ALCAM: variants seen among roughly 807,000 people sequenced by gnomAD.
ALCAM encodes the protein activated leukocyte cell adhesion molecule.
Under a neutral mutation model 70.9 loss-of-function variants are expected in ALCAM, and 30 were observed. The observed-to-expected ratio is 0.42, with a 90% CI of 0.32 to 0.57. The LOEUF (loss-of-function observed/expected upper bound fraction) is 0.57, where lower values mean the gene tolerates loss of function less well. Among genes scored for constraint, ALCAM ranks in the 20% least tolerant of loss-of-function variants. ALCAM has a pLI of 0.11. For synonymous variants in ALCAM, 249 were observed against 242.5 expected, an observed-to-expected ratio of 1.03 and a Z score of -0.25; for missense variants, 591 against 695.1, an observed-to-expected ratio of 0.85 and a Z score of 1.68.
At chr3:105,518,900 G>A (rs1296582695) in intron 1 of ALCAM, among the ~76,000 whole-genome samples, 1 of 151,940 alleles carries the variant, frequency 6.6e-6, no homozygotes, top group African/African-American at 2.4e-5. Context: ...TGAAATTTTG[G>A]TATACATGGT....
At chr3:105,428,232 A>C (rs1936839750) in intron 1 of ALCAM, among the ~76,000 whole-genome samples, 2 of 151,894 alleles carry the variant, frequency 1.3e-5, no homozygotes, top group South Asian at 4.1e-4. Flanking sequence ...TCCAGGGTTA[A>C]AATATCCTTC....
At chr3:105,539,940 C>T in intron 6 of ALCAM, 35 bp from the exon 7 acceptor site, 1 of 1,607,124 alleles carries the variant, frequency 6.2e-7, no homozygotes, top group Non-Finnish European at 8.5e-7. Flanking sequence ...CGGTACTTGA[C>T]AAAAATGGTT....
At chr3:105,568,370 T>C (rs1041343697) in intron 14 of ALCAM, among the ~76,000 whole-genome samples, 2 of 152,124 alleles carry the variant, frequency 1.3e-5, no homozygotes, top group Non-Finnish European at 2.9e-5. Context: ...GGATTACAGG[T>C]GTGAGCCACT....
intron 1 of ALCAM, among the ~76,000 whole-genome samples, chr3:105,405,947 AAG>A (rs200316825): frequency 0.019 from 2,943 of 152,182 alleles, 46 homozygotes; most frequent in Non-Finnish European, 0.03. Flanking sequence ...ACTGGGGAGG[AAG>A]AGAGTTTTTA....
chr3:105,409,474 T>G (rs1056432874), intron 1 of ALCAM, among the ~76,000 whole-genome samples: 1 of 149,382 alleles, frequency 6.7e-6, no homozygotes, highest in Admixed American at 6.6e-5. Context: ...CCAAGCATCA[T>G]ATATTTTCAC....
chr3:105,369,701 C>T (rs1415322158), intron 1 of ALCAM, among the ~76,000 whole-genome samples: 1 of 152,126 alleles, frequency 6.6e-6, no homozygotes, highest in African/African-American at 2.4e-5. Flanking sequence ...CTCTTCATTT[C>T]CGGAGCAGTT....
intron 1 of ALCAM, among the ~76,000 whole-genome samples, chr3:105,460,059 G>T (rs1415887538): frequency 6.6e-6 from 1 of 152,080 alleles, no homozygotes; most frequent in Non-Finnish European, 1.5e-5. Context: ...TCAGAACTGT[G>T]TTTGGGGAAG....
intron 6 of ALCAM, among the ~76,000 whole-genome samples, chr3:105,538,870 A>G (rs1439326377): frequency 1.3e-5 from 2 of 152,174 alleles, no homozygotes; most frequent in African/African-American, 2.4e-5. Flanking sequence ...GTATTCAGAG[A>G]TGCCCAAGCA....
chr3:105,570,307 A>G (rs1333991182), intron 14 of ALCAM, among the ~76,000 whole-genome samples: 1 of 152,198 alleles, frequency 6.6e-6, no homozygotes, highest in African/African-American at 2.4e-5. Flanking sequence ...AGAGAATTCA[A>G]ATGCAATAAT....
intron 6 of ALCAM, among the ~76,000 whole-genome samples, chr3:105,539,508 G>A (rs1940063062): frequency 6.6e-6 from 1 of 151,996 alleles, no homozygotes; most frequent in African/African-American, 2.4e-5. Flanking sequence ...CGCTGGTGTT[G>A]TTTAGCTCAT....
chr3:105,553,577 C>G (rs140727548), intron 14 of ALCAM, among the ~76,000 whole-genome samples: 24 of 151,848 alleles, frequency 1.6e-4, no homozygotes, highest in Admixed American at 1.1e-3. Context: ...AGATTTAAAT[C>G]AGGACCCATG....
At chr3:105,368,264 A>AG (rs1559767087) in intron 1 of ALCAM, among the ~76,000 whole-genome samples, 2,135 of 142,080 alleles carry the variant, frequency 0.015, 32 homozygotes, top group African/African-American at 0.024. Context: ...AGAGAGAGAG[A>AG]AAAGGCAAAA....
intron 1 of ALCAM, among the ~76,000 whole-genome samples, chr3:105,487,295 T>G (rs918302371): frequency 6.6e-6 from 1 of 152,162 alleles, no homozygotes; most frequent in African/African-American, 2.4e-5. Context: ...GGTAAATTAA[T>G]AATTTTATTA....
intron 3 of ALCAM, among the ~76,000 whole-genome samples, chr3:105,529,011 A>G (rs1178489142): frequency 1.3e-5 from 2 of 152,036 alleles, no homozygotes; most frequent in Non-Finnish European, 2.9e-5. Flanking sequence ...GTGCACACGC[A>G]CACACACACA....
At chr3:105,451,209 G>T (rs146690657) in intron 1 of ALCAM, among the ~76,000 whole-genome samples, 2 of 151,520 alleles carry the variant, frequency 1.3e-5, no homozygotes, top group East Asian at 3.9e-4. Flanking sequence ...GACCAGCCTG[G>T]ACAATATATC....
At chr3:105,436,524 T>C (rs1193484717) in intron 1 of ALCAM, among the ~76,000 whole-genome samples, 2 of 152,084 alleles carry the variant, frequency 1.3e-5, no homozygotes. Flanking sequence ...AGATGGGGTT[T>C]CACCGTATTA....
chr3:105,487,243 C>T (rs1364966001), intron 1 of ALCAM, among the ~76,000 whole-genome samples: 1 of 152,104 alleles, frequency 6.6e-6, no homozygotes, highest in East Asian at 1.9e-4. Flanking sequence ...CTACATCCAT[C>T]TCCCAGATCC....
At chr3:105,427,197 A>G (rs1319656396) in intron 1 of ALCAM, among the ~76,000 whole-genome samples, 1 of 152,064 alleles carries the variant, frequency 6.6e-6, no homozygotes, top group East Asian at 1.9e-4. Context: ...ATAGAGAGGG[A>G]GGCCAGGGAA....
chr3:105,455,184 G>C (rs534554378), intron 1 of ALCAM, among the ~76,000 whole-genome samples: 1 of 151,878 alleles, frequency 6.6e-6, no homozygotes, highest in East Asian at 2.0e-4. Flanking sequence ...GCTCAAGTCT[G>C]TAATCCCAGC....
Sources: allele counts gnomAD v4.1 joint callset (sites outside exome capture counted in the v4.1 genomes callset), GRCh38; gene constraint gnomAD v4.1.1; transcripts MANE v1.5; gene names NCBI Gene and HGNC (gene_info 2026-07-23, HGNC 2026-07-21).